Variants in NSMCE2 observed in about 807,000 individuals in gnomAD.
The protein encoded by NSMCE2 is NSE2 SUMO ligase component of SMC5/6 complex.
NSMCE2 carries 24 observed loss-of-function variants against 23.8 expected under a neutral mutation model. That is an observed-to-expected ratio of 1.01 (90% CI 0.73 to 1.42). The LOEUF is 1.42. Among genes scored for constraint, NSMCE2 ranks in the 40% most tolerant of loss-of-function variants. The pLI, the probability that NSMCE2 is intolerant of heterozygous loss-of-function variation, is 0.00. For missense variants in NSMCE2, 284 were observed against 296.5 expected (o/e 0.96, Z 0.31); for synonymous variants, 92 against 94.1 (o/e 0.98, Z 0.13).
chr8:125,159,998 T>C (rs1821521057), intron 4 of NSMCE2, among the ~76,000 whole-genome samples: 1 of 151,656 alleles, frequency 6.6e-6, no homozygotes, highest in Non-Finnish European at 1.5e-5. Context: ...GCCAATAGTA[T>C]GTTTAGTCCA....
At chr8:125,152,338 G>C (rs1380341221) in intron 4 of NSMCE2, among the ~76,000 whole-genome samples, 1 of 152,154 alleles carries the variant, frequency 6.6e-6, no homozygotes, top group Non-Finnish European at 1.5e-5. Context: ...ACTTAGACTA[G>C]AGGCTTTCAA....
intron 5 of NSMCE2, among the ~76,000 whole-genome samples, chr8:125,288,751 T>C (rs1471643791): frequency 2.0e-5 from 3 of 151,860 alleles, no homozygotes; most frequent in Non-Finnish European, 2.9e-5. Flanking sequence ...AGGCTAGGAG[T>C]TTTTTTTAGG....
At chr8:125,195,482 T>A (rs1823571170) in intron 5 of NSMCE2, among the ~76,000 whole-genome samples, 2 of 152,210 alleles carry the variant, frequency 1.3e-5, no homozygotes, top group African/African-American at 4.8e-5. Context: ...TATAAGTCAC[T>A]TAGTAATTAC....
At chr8:125,134,093 T>G (rs962360182) in intron 3 of NSMCE2, among the ~76,000 whole-genome samples, 5 of 152,232 alleles carry the variant, frequency 3.3e-5, no homozygotes, top group African/African-American at 1.2e-4. Flanking sequence ...AAGCAAATTA[T>G]AGTACAAAGC....
At chr8:125,143,441 C>T (rs189547804) in intron 3 of NSMCE2, among the ~76,000 whole-genome samples, 6 of 152,254 alleles carry the variant, frequency 3.9e-5, no homozygotes, top group African/African-American at 9.6e-5. Flanking sequence ...TTCTTCCTTC[C>T]TCCTTGCCAA....
chr8:125,113,043 A>AT (rs1466023244), intron 3 of NSMCE2, among the ~76,000 whole-genome samples: 2 of 119,348 alleles, frequency 1.7e-5, no homozygotes, highest in African/African-American at 7.9e-5. Context: ...AAGTGAATAT[A>AT]TATTAACAGA....
intron 5 of NSMCE2, among the ~76,000 whole-genome samples, chr8:125,265,367 A>G (rs1586691150): frequency 6.6e-6 from 1 of 152,022 alleles, no homozygotes; most frequent in African/African-American, 2.4e-5. Flanking sequence ...GATTACAGGC[A>G]TGCACCACTG....
intron 5 of NSMCE2, among the ~76,000 whole-genome samples, chr8:125,312,993 G>T (rs1188510175): frequency 6.6e-6 from 1 of 151,882 alleles, no homozygotes; most frequent in Non-Finnish European, 1.5e-5. Context: ...ATGATCAAGA[G>T]ACAGTGAGTA....
At chr8:125,118,612 C>A (rs1819132238) in intron 3 of NSMCE2, among the ~76,000 whole-genome samples, 1 of 152,154 alleles carries the variant, frequency 6.6e-6, no homozygotes, top group Non-Finnish European at 1.5e-5. Context: ...GTGCTTATTG[C>A]ACAGTTTAGG....
intron 4 of NSMCE2, among the ~76,000 whole-genome samples, chr8:125,159,326 G>GGCCATATATATGATGGTGGT (rs1821482244): frequency 6.6e-6 from 1 of 152,018 alleles, no homozygotes; most frequent in Non-Finnish European, 1.5e-5. Context: ...GTTAACGAGG[G>GGCCATATATATGATGGTGGT]GCCATACATA....
chr8:125,193,087 T>TA (rs200723658), intron 5 of NSMCE2, among the ~76,000 whole-genome samples: 1,945 of 152,292 alleles, frequency 0.013, 37 homozygotes, highest in African/African-American at 0.045. Context: ...TTGCAATCAT[T>TA]AAAAATGATG....
chr8:125,229,791 TGATA>T (rs1301138393), intron 5 of NSMCE2, among the ~76,000 whole-genome samples: 1 of 152,158 alleles, frequency 6.6e-6, no homozygotes, highest in Non-Finnish European at 1.5e-5. Context: ...TTTTATTATT[TGATA>T]GATGATAAAT....
chr8:125,193,351 C>A (rs1450242579), intron 5 of NSMCE2, among the ~76,000 whole-genome samples: 1 of 152,148 alleles, frequency 6.6e-6, no homozygotes, highest in East Asian at 1.9e-4. Flanking sequence ...GTGTAAAAAA[C>A]TGGAACTAAT....
intron 5 of NSMCE2, among the ~76,000 whole-genome samples, chr8:125,293,966 C>T (rs552248230): frequency 1.8e-4 from 27 of 152,118 alleles, no homozygotes; most frequent in South Asian, 1.0e-3. Context: ...GCATTTACTT[C>T]CTATTTTCTC....
chr8:125,312,090 A>G (rs367875403), intron 5 of NSMCE2, among the ~76,000 whole-genome samples: 40 of 148,950 alleles, frequency 2.7e-4, no homozygotes, highest in South Asian at 1.5e-3. Flanking sequence ...AAAAAAAAAA[A>G]AAAGAAAGAA....
chr8:125,139,136 C>T (rs921851785), intron 3 of NSMCE2, among the ~76,000 whole-genome samples: 1 of 152,142 alleles, frequency 6.6e-6, no homozygotes, highest in African/African-American at 2.4e-5. Flanking sequence ...TGCCATCACA[C>T]TAAGAGCCAA....
chr8:125,265,440 C>T (rs990448906), intron 5 of NSMCE2, among the ~76,000 whole-genome samples: 4 of 151,972 alleles, frequency 2.6e-5, no homozygotes, highest in Non-Finnish European at 4.4e-5. Flanking sequence ...AGGCTGGTCT[C>T]GAACTCCTGA....
chr8:125,338,980 C>G (rs1450551997), intron 5 of NSMCE2, among the ~76,000 whole-genome samples: 1 of 152,200 alleles, frequency 6.6e-6, no homozygotes, highest in Non-Finnish European at 1.5e-5. Flanking sequence ...GATGAGCAGG[C>G]TGGGGAGAGC....
intron 5 of NSMCE2, among the ~76,000 whole-genome samples, chr8:125,267,307 A>T (rs1279930677): frequency 6.6e-6 from 1 of 152,108 alleles, no homozygotes; most frequent in Non-Finnish European, 1.5e-5. Flanking sequence ...GCGCCCAGCC[A>T]AGGGTACCTT....
Sources: allele counts gnomAD v4.1 joint callset (sites outside exome capture counted in the v4.1 genomes callset), GRCh38; gene constraint gnomAD v4.1.1; transcripts MANE v1.5; gene names NCBI Gene and HGNC (gene_info 2026-07-23, HGNC 2026-07-21).